HSP90AA1: variants seen among roughly 807,000 people sequenced by gnomAD.
HSP90AA1 encodes heat shock protein HSP 90-alpha.
A neutral mutation model predicts 73.3 loss-of-function variants in HSP90AA1; 18 were observed. That is an observed-to-expected ratio of 0.25 (90% CI 0.17 to 0.36). HSP90AA1 has a LOEUF of 0.36. Ranked by LOEUF, HSP90AA1 falls within the 10% of genes least tolerant of loss-of-function variation. The pLI, the probability that HSP90AA1 is intolerant of heterozygous loss-of-function variation, is 1.00. For missense variants in HSP90AA1, 704 were observed against 874.2 expected (o/e 0.81, Z 2.45); for synonymous variants, 477 against 296.9 (o/e 1.61, Z -6.24).
exon 1 of HSP90AA1, chr14:102,139,483 G>C: frequency 7.1e-7 from 1 of 1,409,234 alleles, no homozygotes; most frequent in Non-Finnish European, 9.4e-7. Flanking sequence ...CCGCTCTTTG[G>C]GGTCCCGGCG....
chr14:102,086,469 C>T (rs763834435), intron 1 of HSP90AA1, 91 bp from the exon 2 acceptor site: 40 of 1,426,686 alleles, frequency 2.8e-5, no homozygotes, highest in Non-Finnish European at 4.0e-5. Flanking sequence ...TTTTTAAAGC[C>T]GAATTGGAGA....
chr14:102,083,758 G>T, intron 7 of HSP90AA1, 35 bp downstream of exon 7: 4 of 1,564,168 alleles, frequency 2.6e-6, no homozygotes, highest in Non-Finnish European at 1.8e-6. Flanking sequence ...AAACTAAAGA[G>T]GCCAATTGGA....
intron 1 of HSP90AA1, among the ~76,000 whole-genome samples, chr14:102,125,196 G>A (rs2049825679): frequency 6.6e-6 from 1 of 152,030 alleles, no homozygotes; most frequent in Admixed American, 6.6e-5. Flanking sequence ...GGCTCCTTGT[G>A]TTGCCTAGGC....
At chr14:102,111,770 AT>A (rs2049645335) in intron 1 of HSP90AA1, among the ~76,000 whole-genome samples, 1 of 152,226 alleles carries the variant, frequency 6.6e-6, no homozygotes, top group Non-Finnish European at 1.5e-5. Flanking sequence ...ACTCTAGTAC[AT>A]GCCTGGCACT....
At chr14:102,130,260 C>A (rs982635597) in intron 1 of HSP90AA1, among the ~76,000 whole-genome samples, 1 of 152,138 alleles carries the variant, frequency 6.6e-6, no homozygotes, top group African/African-American at 2.4e-5. Flanking sequence ...TGAGCCACTG[C>A]GCCCGGCCGT....
chr14:102,136,351 G>A (rs1030547587), intron 1 of HSP90AA1, among the ~76,000 whole-genome samples: 1 of 146,724 alleles, frequency 6.8e-6, no homozygotes, highest in Admixed American at 6.9e-5. Flanking sequence ...GGCGGATCAC[G>A]AGGTCAGGAG....
At chr14:102,099,545 G>A (rs887095173) in intron 2 of HSP90AA1, among the ~76,000 whole-genome samples, 3 of 151,688 alleles carry the variant, frequency 2.0e-5, no homozygotes, top group Non-Finnish European at 2.9e-5. Context: ...CAACAAGAGC[G>A]GAACTCCGTC....
chr14:102,100,363 G>A (rs2049476743), intron 2 of HSP90AA1, among the ~76,000 whole-genome samples: 1 of 151,714 alleles, frequency 6.6e-6, no homozygotes, highest in South Asian at 2.1e-4. Flanking sequence ...TTGGGCCACT[G>A]CAATGCAGCC....
At chr14:102,112,009 T>G (rs898275697) in intron 1 of HSP90AA1, among the ~76,000 whole-genome samples, 3 of 152,268 alleles carry the variant, frequency 2.0e-5, no homozygotes, top group African/African-American at 4.8e-5. Context: ...TACCTTGGTA[T>G]AGATCTATTT....
At chr14:102,088,996 C>T (rs1264455206), upstream of HSP90AA1, among the ~76,000 whole-genome samples, 8 of 150,380 alleles carry the variant, frequency 5.3e-5, no homozygotes, top group Admixed American at 6.6e-5. Context: ...AACCTGCTCA[C>T]TGCAACCTCT....
intron 1 of HSP90AA1, among the ~76,000 whole-genome samples, chr14:102,123,828 C>A (rs1156604797): frequency 2.6e-5 from 4 of 152,122 alleles, no homozygotes; most frequent in Non-Finnish European, 4.4e-5. Flanking sequence ...GAGACAGGGT[C>A]TCATTCTGCC....
At chr14:102,085,675 T>C in intron 3 of HSP90AA1, 83 bp downstream of exon 3, 2 of 1,590,854 alleles carry the variant, frequency 1.3e-6, no homozygotes, top group Non-Finnish European at 8.6e-7. Flanking sequence ...TTCTGTAAGC[T>C]TCACCGCATC....
At position 102,082,203 on chromosome 14, in the gene HSP90AA1, A is replaced by T. The variant is rs1458559487; in HGVS notation, c.1997T>A (p.Leu666His). Residue 666 changes from leucine (L) to histidine (H), a missense_variant, in exon 10 of 11, where the codon CTT becomes CAT. Leu to His is a moderately conservative substitution (Grantham distance 99). Transcript: ENST00000216281. ...AGAAGACAGGAGCGCAGTTTCATAAAGCAAGATGACCAGATCCTTCACAGA... is the reference window on the plus strand; with the variant it reads ...AGAAGACAGGAGCGCAGTTTCATAATGCAAGATGACCAGATCCTTCACAGA... ...DKSVKDLVILLYETALLSSGF... is the reference protein window; with the variant it reads ...DKSVKDLVILHYETALLSSGF... 1.9e-6 allele frequency: 3 copies of T among 1,613,970 alleles called. No homozygotes were observed.
intron 1 of HSP90AA1, among the ~76,000 whole-genome samples, chr14:102,132,444 G>C (rs1446608514): frequency 6.6e-6 from 1 of 152,174 alleles, no homozygotes; most frequent in Non-Finnish European, 1.5e-5. Context: ...CTACTCAGGA[G>C]GCTGGGACAG....
rs1175524994 is a variant in HSP90AA1, at chr14:102,082,427, T to G, written c.1773A>C (p.Arg591=). 1 of 1,612,486 alleles carries G rather than the reference T, an allele frequency of 6.2e-7. No homozygotes were observed. The highest frequency in any genetic ancestry group is 1.7e-5 in the Admixed American group (1 of 60,002). Residue 591 remains arginine, a synonymous_variant, in exon 10 of 11, where the codon CGA becomes CGC. Coordinates refer to ENST00000216281, the MANE Select transcript of HSP90AA1 (RefSeq NM_005348.4). Reference sequence around the variant, plus strand: ...CAATACAGCATGGAGATGTCACCAATCGGTTTGACACAACCACCTGTAATC... The same window carrying G: ...CAATACAGCATGGAGATGTCACCAAGCGGTTTGACACAACCACCTGTAATC... ...KKVEKVVVSN[R]LVTSPCCIVT...
chr14:102,099,995 T>G (rs943565047), intron 2 of HSP90AA1, among the ~76,000 whole-genome samples: 1 of 152,112 alleles, frequency 6.6e-6, no homozygotes, highest in African/African-American at 2.4e-5. Flanking sequence ...AAGACCAGCC[T>G]GGGTGATATA....
chr14:102,090,577 G>GTAGC (rs1274314001), upstream of HSP90AA1, among the ~76,000 whole-genome samples: 6 of 151,876 alleles, frequency 4.0e-5, no homozygotes, highest in African/African-American at 1.5e-4. Flanking sequence ...AGCCTCCCTA[G>GTAGC]TAGCTGGGAC....
rs979357162 is a variant in HSP90AA1 at position 102,081,634 on chromosome 14, A to G, written c.*78T>C. Reference sequence around the variant, plus strand: ...CAGACTTTTTAATATTAACAAAAATAAAGAAAAACATCCTTGAAAATATAT... The same window carrying G: ...CAGACTTTTTAATATTAACAAAAATGAAGAAAAACATCCTTGAAAATATAT... On this transcript the variant is annotated 3_prime_UTR_variant, in exon 11 of 11. Transcript: ENST00000216281. 1.3e-6 allele frequency: 1 copy of G among 796,986 alleles called. No homozygotes were observed. The highest frequency in any genetic ancestry group is 2.4e-5 in the East Asian group (1 of 41,186). The allele number at this position is 796,986 out of a possible 1,614,324, so 49.4% of individuals were successfully genotyped here.
chr14:102,114,762 G>A (rs1232680227), intron 1 of HSP90AA1, among the ~76,000 whole-genome samples: 1 of 152,150 alleles, frequency 6.6e-6, no homozygotes, highest in Non-Finnish European at 1.5e-5. Flanking sequence ...CACTTTGGGA[G>A]GCTGAGGCGG....
Sources: gnomAD v4.1 joint callset for allele counts (sites outside exome capture counted in the v4.1 genomes callset) on GRCh38, gnomAD v4.1.1 for gene constraint, MANE v1.5 for transcripts, NCBI Gene and HGNC (gene_info 2026-07-23, HGNC 2026-07-21) for gene names.